Variants in PRKCB observed in about 807,000 individuals in gnomAD.
The protein encoded by PRKCB is protein kinase C beta type.
PRKCB carries 13 observed loss-of-function variants against 81.5 expected under a neutral mutation model. That is an observed-to-expected ratio of 0.16 (90% CI 0.10 to 0.25). The LOEUF is 0.25. Ranked by LOEUF, PRKCB falls within the 10% of genes least tolerant of loss-of-function variation. The pLI is 1.00. For missense variants in PRKCB, 509 were observed against 875.7 expected (o/e 0.58, Z 5.29); for synonymous variants, 335 against 321.4 (o/e 1.04, Z -0.45).
At chr16:24,154,996 G>A (rs1967135647) in intron 10 of PRKCB, 139 bp downstream of exon 10, 1 of 1,054,250 alleles carries the variant, frequency 9.5e-7, no homozygotes, top group Non-Finnish European at 1.3e-6. Context: ...GCCCAGGGAA[G>A]TCAGCTGAGA....
At chr16:23,866,980 TTCCTTCCCTTCCTTCC>T (rs1962804536) in intron 2 of PRKCB, among the ~76,000 whole-genome samples, 1 of 63,432 alleles carries the variant, frequency 1.6e-5, no homozygotes, top group African/African-American at 6.7e-5. Flanking sequence ...CTTCCTTCCC[TTCCTTCCCTTCCTTCC>T]CTTCCTTCCT....
At chr16:24,051,979 G>A (rs551716722) in intron 5 of PRKCB, among the ~76,000 whole-genome samples, 2 of 151,636 alleles carry the variant, frequency 1.3e-5, no homozygotes, top group East Asian at 1.9e-4. Context: ...GCATGGTGGC[G>A]GGCACCTGTA....
intron 5 of PRKCB, 78 bp downstream of exon 5, chr16:24,035,625 TGGGGCAGTCCAGTGGA>T: frequency 6.7e-6 from 1 of 148,276 alleles, no homozygotes; most frequent in Non-Finnish European, 1.0e-5. Flanking sequence ...GGCGGAGGGG[TGGGGCAGTCCAGTGGA>T]GGGGTGGGGC....
At chr16:23,929,155 T>C (rs1185146734) in intron 2 of PRKCB, among the ~76,000 whole-genome samples, 1 of 152,000 alleles carries the variant, frequency 6.6e-6, no homozygotes, top group Non-Finnish European at 1.5e-5. Context: ...GTACGATGTT[T>C]TCAGGACAAA....
In PRKCB at chr16:24,013,781, C is replaced by CA. The variant is rs35383807; in HGVS notation, c.289-18340dup. 8.3e-4 allele frequency among the ~76,000 whole-genome samples: 115 copies of CA among 137,990 alleles called. 4 individuals are homozygous for CA. Among genetic ancestry groups the CA allele is most frequent in the Non-Finnish European group, 7.2e-4 (46 of 64,274 alleles). The allele number at this position is 137,990 out of a possible 152,430, so 90.5% of individuals were successfully genotyped here. On this transcript the variant is annotated intron_variant, in intron 3 of 16. Transcript: ENST00000643927. ...AGATGAAAGGTGAGATGTGGAATTG[C>CA]AAAAAAAAAAAAAAAGTATAGACAT...
chr16:23,868,681 A>C (rs543936350), intron 2 of PRKCB, among the ~76,000 whole-genome samples: 1 of 152,132 alleles, frequency 6.6e-6, no homozygotes, highest in South Asian at 2.1e-4. Context: ...TTTCCCCTCC[A>C]TTTTCTCTTT....
Position 24,043,469 on chromosome 16 carries a change from C to T in PRKCB, c.529+7922C>T, listed in dbSNP as rs188071502. ...AGAAGTTCAGTTAAATCATATCTGT[C>T]TATGGAACATCTATCATCTTTCTCA... On this transcript the variant is annotated intron_variant, in intron 5 of 16. Coordinates refer to ENST00000643927, the MANE Select transcript of PRKCB (RefSeq NM_002738.7). 1.1e-3 allele frequency among the ~76,000 whole-genome samples: 165 copies of T among 152,122 alleles called. 1 individual carries two copies. The highest frequency in any genetic ancestry group is 3.5e-3 in the African/African-American group (145 of 41,496).
intron 9 of PRKCB, among the ~76,000 whole-genome samples, chr16:24,152,607 G>A (rs2141952515): frequency 6.6e-6 from 1 of 152,276 alleles, no homozygotes; most frequent in African/African-American, 2.4e-5. Context: ...GCTCTCTCTG[G>A]AATCCAGGAG....
At chr16:23,846,416 C>A (rs1962368756) in intron 2 of PRKCB, among the ~76,000 whole-genome samples, 1 of 151,830 alleles carries the variant, frequency 6.6e-6, no homozygotes, top group East Asian at 1.9e-4. Flanking sequence ...TCGAGACCAG[C>A]CTGGCCAACA....
chr16:24,194,786 G>A (rs1967854519), intron 16 of PRKCB, among the ~76,000 whole-genome samples: 1 of 152,134 alleles, frequency 6.6e-6, no homozygotes, highest in Non-Finnish European at 1.5e-5. Context: ...CTCCATGTGG[G>A]TTTAACAATG....
chr16:24,169,581 T>A (rs977860669), intron 10 of PRKCB, among the ~76,000 whole-genome samples: 2 of 152,116 alleles, frequency 1.3e-5, no homozygotes, highest in Non-Finnish European at 2.9e-5. Flanking sequence ...TCTCAATACC[T>A]GCATAGCTGC....
intron 3 of PRKCB, among the ~76,000 whole-genome samples, chr16:24,006,555 C>G (rs1965123939): frequency 6.6e-6 from 1 of 152,160 alleles, no homozygotes; most frequent in South Asian, 2.1e-4. Context: ...CAGAAACCAT[C>G]TTTGGTTAAC....
intron 2 of PRKCB, among the ~76,000 whole-genome samples, chr16:23,905,155 A>G (rs1292009790): frequency 6.6e-6 from 1 of 151,358 alleles, no homozygotes; most frequent in African/African-American, 2.4e-5. Flanking sequence ...CGGCCCTGGA[A>G]TGTGGCCGCA....
intron 2 of PRKCB, among the ~76,000 whole-genome samples, chr16:23,938,397 A>G (rs1311620633): frequency 1.3e-5 from 2 of 152,244 alleles, no homozygotes; most frequent in South Asian, 2.1e-4. Context: ...ATCCAAAATT[A>G]GGAACTTAAG....
intron 12 of PRKCB, among the ~76,000 whole-genome samples, chr16:24,175,620 G>C (rs1216220192): frequency 1.3e-5 from 2 of 151,872 alleles, no homozygotes; most frequent in Non-Finnish European, 2.9e-5. Flanking sequence ...GGCCTGGAGA[G>C]TTAGGGGTGA....
In PRKCB at chr16:24,215,542, C is replaced by T. The variant is rs2141996348; in HGVS notation, c.*726C>T. On this transcript the variant is annotated 3_prime_UTR_variant, in exon 17 of 17. Coordinates refer to ENST00000643927, the MANE Select transcript of PRKCB (RefSeq NM_002738.7). ...CATTTGGCACCACTCTCTGAAACAACACAGTCACTCTAGCAAGGCCCCCAA... is the reference window on the plus strand; with the variant it reads ...CATTTGGCACCACTCTCTGAAACAATACAGTCACTCTAGCAAGGCCCCCAA... The T allele has an allele frequency of 4.1e-6, 4 of 985,654 alleles. No individual in the cohort carries two copies. The highest frequency in any genetic ancestry group is 4.8e-6 in the Non-Finnish European group (4 of 829,898). 61.1% of individuals were successfully genotyped at this position (985,654 alleles called of 1,614,324 possible). A position where few individuals can be genotyped will look rare whatever the true frequency, so the allele number is the denominator to read the frequency against.
chr16:23,971,935 G>T (rs930024422), intron 2 of PRKCB, among the ~76,000 whole-genome samples: 1 of 151,982 alleles, frequency 6.6e-6, no homozygotes, highest in Non-Finnish European at 1.5e-5. Flanking sequence ...GAATTAAATT[G>T]TATGCCCACA....
At chr16:23,850,722 A>G (rs1962459102) in intron 2 of PRKCB, among the ~76,000 whole-genome samples, 1 of 152,124 alleles carries the variant, frequency 6.6e-6, no homozygotes. Context: ...ATAAGGCTAT[A>G]CTAACTTACA....
chr16:24,079,110 T>G (rs1178357579), intron 5 of PRKCB, among the ~76,000 whole-genome samples: 1 of 152,246 alleles, frequency 6.6e-6, no homozygotes, highest in African/African-American at 2.4e-5. Flanking sequence ...GATTTGTTCC[T>G]GCCCCACCCT....
Sources: gnomAD v4.1 joint callset for allele counts (sites outside exome capture counted in the v4.1 genomes callset) on GRCh38, gnomAD v4.1.1 for gene constraint, MANE v1.5 for transcripts, NCBI Gene and HGNC (gene_info 2026-07-23, HGNC 2026-07-21) for gene names.